The following TLL1 variants were observed in gnomAD, a reference collection of about 807,000 sequenced individuals.
The protein encoded by TLL1 is tolloid-like protein 1.
TLL1 carries 49 observed loss-of-function variants against 128.2 expected under a neutral mutation model. That is an observed-to-expected ratio of 0.38 (90% confidence interval 0.30 to 0.48). The LOEUF is 0.48. Among genes scored for constraint, TLL1 ranks in the 20% least tolerant of loss-of-function variants. The pLI, the probability that TLL1 is intolerant of heterozygous loss-of-function variation, is 0.96. For synonymous variants in TLL1, 454 were observed against 418.8 expected (o/e 1.08, Z -1.03); for missense variants, 1,123 against 1,242.0 (o/e 0.90, Z 1.44).
At position 166,099,595 on chromosome 4, in the gene TLL1, T is replaced by A. The variant is rs1742197483; in HGVS notation, c.2907+68T>A. On this transcript the variant is annotated intron_variant, in intron 20 of 20. Coordinates refer to ENST00000061240, the MANE Select transcript of TLL1 (RefSeq NM_012464.5). Reference sequence around the variant, plus strand: ...TGCCTATTGATTCATGATTGATATGTGTACCATTCACAAGTTGGCAATGCT... The same window carrying A: ...TGCCTATTGATTCATGATTGATATGAGTACCATTCACAAGTTGGCAATGCT... 8 of 1,590,950 alleles carry A rather than the reference T, an allele frequency of 5.0e-6. 1 individual carries two copies. In the South Asian group the frequency reaches 9.0e-5, roughly 18 times the overall value.
chr4:165,953,942 A>G (rs1021595110), intron 1 of TLL1, among the ~76,000 whole-genome samples: 1 of 152,106 alleles, frequency 6.6e-6, no homozygotes, highest in Non-Finnish European at 1.5e-5. Context: ...TTCAAAAGTG[A>G]TCTTTGTTTT....
chr4:165,942,892 T>C (rs1159331786), intron 1 of TLL1, among the ~76,000 whole-genome samples: 1 of 152,042 alleles, frequency 6.6e-6, no homozygotes, highest in African/African-American at 2.4e-5. Flanking sequence ...GAAACCAAAA[T>C]GTGTAGTTTA....
intron 1 of TLL1, among the ~76,000 whole-genome samples, chr4:165,876,829 C>G (rs1191866196): frequency 6.6e-6 from 1 of 152,136 alleles, no homozygotes; most frequent in Non-Finnish European, 1.5e-5. Context: ...CCAGGTTTAC[C>G]AGGAGTCCAG....
chr4:165,949,607 C>A (rs564481420), intron 1 of TLL1, among the ~76,000 whole-genome samples: 1 of 152,196 alleles, frequency 6.6e-6, no homozygotes, highest in South Asian at 2.1e-4. Flanking sequence ...GCTGGGGAAG[C>A]CTCACAATCA....
At chr4:166,060,757 C>A (rs1036630196) in intron 15 of TLL1, among the ~76,000 whole-genome samples, 3 of 152,136 alleles carry the variant, frequency 2.0e-5, no homozygotes, top group Admixed American at 6.6e-5. Flanking sequence ...TACATTTAAA[C>A]AAGTGAAATC....
chr4:165,948,239 T>C (rs1734348528), intron 1 of TLL1, among the ~76,000 whole-genome samples: 1 of 152,184 alleles, frequency 6.6e-6, no homozygotes, highest in African/African-American at 2.4e-5. Context: ...CACAATTGTA[T>C]GTTACGAGCA....
At chr4:165,880,627 C>T (rs946104637) in intron 1 of TLL1, among the ~76,000 whole-genome samples, 1 of 152,164 alleles carries the variant, frequency 6.6e-6, no homozygotes, top group Non-Finnish European at 1.5e-5. Flanking sequence ...GTTTTTAACA[C>T]ACCATACCAT....
chr4:165,907,893 T>C (rs1732343088), intron 1 of TLL1, among the ~76,000 whole-genome samples: 1 of 152,204 alleles, frequency 6.6e-6, no homozygotes, highest in Non-Finnish European at 1.5e-5. Flanking sequence ...ATTCTAATAT[T>C]GAAATACCTG....
intron 18 of TLL1, among the ~76,000 whole-genome samples, chr4:166,081,791 A>G (rs1741295177): frequency 6.6e-6 from 1 of 151,652 alleles, no homozygotes; most frequent in African/African-American, 2.4e-5. Flanking sequence ...TTGTCAGGGT[A>G]GAAGCAAAAC....
At position 165,923,421 on chromosome 4, in the gene TLL1, C is replaced by CTTT. The variant is rs758162016; in HGVS notation, c.169+49371_169+49373dup. 5.0e-3 allele frequency among the ~76,000 whole-genome samples: 354 copies of CTTT among 70,834 alleles called. 59 individuals carry two copies. The highest frequency in any genetic ancestry group is 0.014 in the African/African-American group (273 of 18,956). 46.5% of individuals were successfully genotyped at this position (70,834 alleles called of 152,430 possible). A position where few individuals can be genotyped will look rare whatever the true frequency, so the allele number is the denominator to read the frequency against. On this transcript the variant is annotated intron_variant, in intron 1 of 20. Transcript: ENST00000061240. ...AAGTGCATCGGAAATATAGGTATAC[C>CTTT]TTTTTTTTTTTTTTTTTTTTTTTTT... is the stretch of plus-strand genomic sequence containing the variant.
At chr4:165,984,435 G>T (rs1312872787) in intron 1 of TLL1, among the ~76,000 whole-genome samples, 1 of 151,846 alleles carries the variant, frequency 6.6e-6, no homozygotes, top group Non-Finnish European at 1.5e-5. Flanking sequence ...TTTGCTCAGT[G>T]GTTGTCAATC....
At chr4:166,070,720 C>G (rs568506262) in intron 16 of TLL1, among the ~76,000 whole-genome samples, 1 of 151,874 alleles carries the variant, frequency 6.6e-6, no homozygotes, top group Non-Finnish European at 1.5e-5. Flanking sequence ...GCTCTAAATT[C>G]AAGTGATTTC....
chr4:165,938,575 A>G (rs1374202130), intron 1 of TLL1, among the ~76,000 whole-genome samples: 1 of 151,846 alleles, frequency 6.6e-6, no homozygotes, highest in Non-Finnish European at 1.5e-5. Flanking sequence ...TTATTTGTCT[A>G]CTTTCCATCT....
chr4:166,049,860 A>G (rs1167386037), intron 12 of TLL1, among the ~76,000 whole-genome samples: 1 of 151,786 alleles, frequency 6.6e-6, no homozygotes, highest in Non-Finnish European at 1.5e-5. Flanking sequence ...CATTGTTTTT[A>G]TTAATCAGAG....
intron 5 of TLL1, among the ~76,000 whole-genome samples, chr4:165,998,796 T>TAAAA (rs1560800630): frequency 0.019 from 2,833 of 149,224 alleles, 95 homozygotes; most frequent in African/African-American, 0.067. Flanking sequence ...GACTCTGTCT[T>TAAAA]CAAAAAAAAA....
intron 1 of TLL1, among the ~76,000 whole-genome samples, chr4:165,905,227 A>C (rs1732197026): frequency 1.3e-5 from 2 of 152,232 alleles, no homozygotes; most frequent in Admixed American, 1.3e-4. Flanking sequence ...AAGAGAAATG[A>C]AAGCATATGT....
intron 19 of TLL1, among the ~76,000 whole-genome samples, chr4:166,095,197 A>T (rs1223121267): frequency 1.3e-5 from 2 of 152,088 alleles, no homozygotes; most frequent in East Asian, 3.9e-4. Flanking sequence ...AACACTATGA[A>T]TTTTTGAACT....
chr4:165,971,002 G>C (rs1413602214), intron 1 of TLL1, among the ~76,000 whole-genome samples: 1 of 152,176 alleles, frequency 6.6e-6, no homozygotes, highest in Non-Finnish European at 1.5e-5. Flanking sequence ...CTGTCCTAGA[G>C]GGAAAGCCTC....
intron 7 of TLL1, among the ~76,000 whole-genome samples, chr4:166,012,140 C>T (rs1470433290): frequency 6.6e-6 from 1 of 151,486 alleles, no homozygotes; most frequent in Non-Finnish European, 1.5e-5. Context: ...TAAAATTTTA[C>T]AAATTTTTGT....
Sources: allele counts gnomAD v4.1 joint callset (sites outside exome capture counted in the v4.1 genomes callset), GRCh38; gene constraint gnomAD v4.1.1; transcripts MANE v1.5; gene names NCBI Gene and HGNC (gene_info 2026-07-23, HGNC 2026-07-21).